GRID2: variants seen among roughly 807,000 people sequenced by gnomAD.
GRID2 encodes the protein glutamate ionotropic receptor delta type subunit 2.
Under a neutral mutation model 114.8 loss-of-function variants are expected in GRID2, and 33 were observed. The ratio of observed to expected loss-of-function variants is 0.29; its 90% confidence interval spans 0.22 to 0.38. The LOEUF (loss-of-function observed/expected upper bound fraction) is 0.38. GRID2 is among the 10% of genes least tolerant of loss of function. The pLI is 1.00. For synonymous variants in GRID2, 505 were observed against 449.9 expected (o/e 1.12, Z -1.55); for missense variants, 1,184 against 1,257.7 (o/e 0.94, Z 0.89).
chr4:93,797,094 G>T (rs1470255071), intron 1 of GRID2, among the ~76,000 whole-genome samples: 1 of 152,164 alleles, frequency 6.6e-6, no homozygotes, highest in Non-Finnish European at 1.5e-5. Flanking sequence ...TGACAAAATG[G>T]CAAGTATTTG....
chr4:93,038,552 A>G (rs1041299744), intron 2 of GRID2, among the ~76,000 whole-genome samples: 2 of 152,138 alleles, frequency 1.3e-5, no homozygotes, highest in African/African-American at 4.8e-5. Context: ...GCACTTTGGG[A>G]GGCCGAGGCG....
At chr4:93,574,313 G>C (rs1408585197) in intron 13 of GRID2, among the ~76,000 whole-genome samples, 1 of 152,082 alleles carries the variant, frequency 6.6e-6, no homozygotes, top group African/African-American at 2.4e-5. Context: ...TTCATTATAT[G>C]ACTTTGGGCA....
At chr4:92,748,241 T>A (rs890397468) in intron 2 of GRID2, among the ~76,000 whole-genome samples, 1 of 152,148 alleles carries the variant, frequency 6.6e-6, no homozygotes, top group African/African-American at 2.4e-5. Flanking sequence ...GTAATTTGTT[T>A]GGGAAGTGCC....
At chr4:92,457,244 A>G (rs1045259283) in intron 1 of GRID2, among the ~76,000 whole-genome samples, 4 of 152,098 alleles carry the variant, frequency 2.6e-5, no homozygotes, top group Admixed American at 2.0e-4. Context: ...CCTTACCCAT[A>G]TGAAAAATCA....
intron 4 of GRID2, among the ~76,000 whole-genome samples, chr4:93,179,573 C>T (rs1739687061): frequency 6.6e-6 from 1 of 151,486 alleles, no homozygotes; most frequent in African/African-American, 2.4e-5. Flanking sequence ...ATAAATATAA[C>T]AATAACTAAG....
intron 2 of GRID2, among the ~76,000 whole-genome samples, chr4:92,946,192 A>G (rs1465805903): frequency 6.6e-6 from 1 of 152,118 alleles, no homozygotes; most frequent in African/African-American, 2.4e-5. Flanking sequence ...AATGGATTCC[A>G]TCAAAGCCTT....
intron 1 of GRID2, among the ~76,000 whole-genome samples, chr4:92,448,561 C>T (rs997531223): frequency 1.3e-5 from 2 of 151,972 alleles, no homozygotes; most frequent in African/African-American, 4.8e-5. Flanking sequence ...AAATAGTACA[C>T]AAGTACTAAA....
rs567594096 is a variant in GRID2, at chr4:93,371,568, G to C, written c.1246-24039G>C. On this transcript the variant is annotated intron_variant, in intron 8 of 15. Transcript: ENST00000282020. Reference sequence around the variant, plus strand: ...TACATTTCTTTGAACCAATTACTCTGGTCAGAAGATGAACATGTCTGATCT... The same window carrying C: ...TACATTTCTTTGAACCAATTACTCTCGTCAGAAGATGAACATGTCTGATCT... Among the ~76,000 whole-genome samples the C allele has an allele frequency of 9.9e-5, 15 of 151,914 alleles. 1 individual carries two copies. The South Asian group carries it at 3.1e-3, about 32-fold the overall frequency.
chr4:93,410,661 G>T (rs766372927), intron 9 of GRID2, among the ~76,000 whole-genome samples: 1 of 152,216 alleles, frequency 6.6e-6, no homozygotes, highest in Non-Finnish European at 1.5e-5. Context: ...TAGGCTCACT[G>T]CAACCTCCAT....
chr4:92,491,461 T>C (rs956971993), intron 1 of GRID2, among the ~76,000 whole-genome samples: 1 of 152,208 alleles, frequency 6.6e-6, no homozygotes, highest in Non-Finnish European at 1.5e-5. Context: ...CTCAGTTCTT[T>C]ATCACTTCCA....
intron 13 of GRID2, among the ~76,000 whole-genome samples, chr4:93,531,688 G>A (rs59726551): frequency 0.035 from 5,272 of 152,040 alleles, 292 homozygotes; most frequent in African/African-American, 0.12. Context: ...ATTGGTGTAA[G>A]CAATGTTGTT....
intron 13 of GRID2, among the ~76,000 whole-genome samples, chr4:93,621,563 A>G (rs1196525836): frequency 6.6e-6 from 1 of 152,204 alleles, no homozygotes; most frequent in Non-Finnish European, 1.5e-5. Context: ...AAAAATTTTA[A>G]GAAAACTCCA....
chr4:92,722,919 A>G (rs1178083171), intron 2 of GRID2, among the ~76,000 whole-genome samples: 2 of 152,178 alleles, frequency 1.3e-5, no homozygotes, highest in Non-Finnish European at 2.9e-5. Context: ...TTTAGGCTGT[A>G]TATTCAAATC....
chr4:93,238,499 A>G lies in GRID2; in HGVS notation c.1245+9A>G. ...GCAGAGGTGTTCGAAAAGTAAGACAAGACACACTGATTAATACGCTTTTTC... is the reference window on the plus strand; with the variant it reads ...GCAGAGGTGTTCGAAAAGTAAGACAGGACACACTGATTAATACGCTTTTTC... On this transcript the variant is annotated intron_variant, in intron 8 of 15. Transcript: ENST00000282020. The G allele has an allele frequency of 6.2e-7, 1 of 1,607,636 alleles. No homozygotes were observed. Among genetic ancestry groups the G allele is most frequent in the Admixed American group, 1.7e-5 (1 of 59,748 alleles).
intron 2 of GRID2, among the ~76,000 whole-genome samples, chr4:93,062,888 A>G (rs775703908): frequency 2.0e-5 from 3 of 152,042 alleles, no homozygotes; most frequent in Admixed American, 6.6e-5. Context: ...GATCTTCACT[A>G]TCTTTAAAAG....
At chr4:93,011,972 C>T (rs1340730394) in intron 2 of GRID2, among the ~76,000 whole-genome samples, 3 of 151,600 alleles carry the variant, frequency 2.0e-5, no homozygotes, top group African/African-American at 7.3e-5. Context: ...TCCCTTTACC[C>T]CATCCCTAAA....
chr4:93,272,588 T>C (rs189503086), intron 8 of GRID2, among the ~76,000 whole-genome samples: 61 of 152,258 alleles, frequency 4.0e-4, no homozygotes, highest in Admixed American at 1.5e-3. Flanking sequence ...CTATGAACTA[T>C]TCACCGTGAA....
intron 4 of GRID2, among the ~76,000 whole-genome samples, chr4:93,171,131 C>A (rs1372457553): frequency 2.6e-5 from 4 of 152,182 alleles, no homozygotes; most frequent in Admixed American, 6.5e-5. Context: ...AAAGGCTTTG[C>A]AATGATCTAC....
chr4:93,697,865 G>GTA (rs574552355), intron 14 of GRID2, among the ~76,000 whole-genome samples: 6,450 of 74,830 alleles, frequency 0.086, 517 homozygotes, highest in African/African-American at 0.12. Flanking sequence ...ATTCCACAAT[G>GTA]TGTGTATATA....
Sources: gnomAD v4.1 joint callset for allele counts (sites outside exome capture counted in the v4.1 genomes callset) on GRCh38, gnomAD v4.1.1 for gene constraint, MANE v1.5 for transcripts, NCBI Gene and HGNC (gene_info 2026-07-23, HGNC 2026-07-21) for gene names.